Variants in ZCWPW2 observed in about 807,000 individuals in gnomAD.
ZCWPW2 encodes zinc finger CW-type PWWP domain protein 2.
Under a neutral mutation model 46.6 loss-of-function variants are expected in ZCWPW2, and 45 were observed. The ratio of observed to expected loss-of-function variants is 0.96; its 90% CI spans 0.76 to 1.24. The LOEUF is 1.24. ZCWPW2 is among the 50% of genes most tolerant of loss of function. The probability of loss-of-function intolerance (pLI) is 0.00; values close to 1 mark genes in which losing one functional copy is unlikely to be tolerated. For synonymous variants in ZCWPW2, 152 were observed against 137.1 expected (o/e 1.11, Z -0.76); for missense variants, 429 against 403.9 (o/e 1.06, Z -0.53).
intron 3 of ZCWPW2, among the ~76,000 whole-genome samples, chr3:28,429,712 G>A (rs751407573): frequency 6.6e-6 from 1 of 152,128 alleles, no homozygotes; most frequent in Non-Finnish European, 1.5e-5. Flanking sequence ...TCACGGGCCG[G>A]GCCCAGTGCC....
intron 1 of ZCWPW2, among the ~76,000 whole-genome samples, chr3:28,362,578 T>G (rs1424560740): frequency 6.6e-6 from 1 of 152,138 alleles, no homozygotes; most frequent in East Asian, 1.9e-4. Flanking sequence ...AAATGACAGA[T>G]GCTGGCGAGG....
chr3:28,439,082 TATATACAC>T (rs778849935), intron 4 of ZCWPW2, among the ~76,000 whole-genome samples: 8 of 139,642 alleles, frequency 5.7e-5, no homozygotes, highest in Non-Finnish European at 1.2e-4. Context: ...TATACACATA[TATATACAC>T]ATATATACAC....
At chr3:28,477,185 T>G (rs767339423) in intron 4 of ZCWPW2, among the ~76,000 whole-genome samples, 1 of 152,242 alleles carries the variant, frequency 6.6e-6, no homozygotes, top group African/African-American at 2.4e-5. Context: ...CTGTGAAGGC[T>G]AGCTTAGACA....
chr3:28,381,243 C>T (rs1695095149), intron 1 of ZCWPW2, among the ~76,000 whole-genome samples: 1 of 151,120 alleles, frequency 6.6e-6, no homozygotes, highest in African/African-American at 2.4e-5. Flanking sequence ...AAAAACTTCA[C>T]CAGTAGCCTA....
intron 1 of ZCWPW2, among the ~76,000 whole-genome samples, chr3:28,367,272 G>A (rs1705154822): frequency 1.3e-5 from 2 of 152,156 alleles, no homozygotes; most frequent in South Asian, 2.1e-4. Context: ...GCTTTCTCTT[G>A]TGGGCATTCA....
At position 28,515,636 on chromosome 3, in the gene ZCWPW2, G is replaced by A. The variant is rs1391506891; in HGVS notation, c.784+15G>A. On this transcript the variant is annotated intron_variant, in intron 8 of 9. Transcript: ENST00000383768. ...GGAGAACAGGGGTATGTGAAAGCCT[G>A]TCCTGCTTTTAGTTCTTTAACCTAT... 2.5e-6 allele frequency: 4 copies of A among 1,595,548 alleles called. No homozygotes were observed. The African/African-American group carries it at 6.1e-5, about 24-fold the overall frequency.
At position 28,519,951 on chromosome 3, in the gene ZCWPW2, G is replaced by T. The variant is rs187263354; in HGVS notation, c.785-1041G>T. Among the ~76,000 whole-genome samples, 31 of 151,722 alleles carry T rather than the reference G, an allele frequency of 2.0e-4. No individual in the cohort carries two copies. The East Asian group carries it at 5.4e-3, about 27-fold the overall frequency. On this transcript the variant is annotated intron_variant, in intron 8 of 9. Coordinates refer to ENST00000383768, the MANE Select transcript of ZCWPW2 (RefSeq NM_001040432.4). Reference sequence around the variant, plus strand: ...TAGTAGGCTTTTATTTCTTTGGTGGGGATATTGTTTTATCTCAGCAAGGTC... The same window carrying T: ...TAGTAGGCTTTTATTTCTTTGGTGGTGATATTGTTTTATCTCAGCAAGGTC...
intron 6 of ZCWPW2, among the ~76,000 whole-genome samples, chr3:28,502,604 C>T (rs1266964774): frequency 2.6e-5 from 4 of 151,962 alleles, no homozygotes; most frequent in Non-Finnish European, 5.9e-5. Context: ...GGAGAGAAAA[C>T]AATAGTATGT....
intron 2 of ZCWPW2, chr3:28,398,352 G>C (rs1361800568): frequency 5.9e-5 from 9 of 152,108 alleles, no homozygotes; most frequent in Admixed American, 4.6e-4. Context: ...AATCATCTTG[G>C]GGGTGGGACA....
intron 1 of ZCWPW2, among the ~76,000 whole-genome samples, chr3:28,366,147 C>G (rs1705112285): frequency 6.9e-6 from 1 of 145,556 alleles, no homozygotes; most frequent in Non-Finnish European, 1.5e-5. Context: ...CCTTCTCCTG[C>G]CTGATTACCC....
Position 28,500,949 on chromosome 3 carries a change from C to T in ZCWPW2, c.657+8776C>T, listed in dbSNP as rs542892934. ...CCATTTAATTTCCTTTTGTATTCTA[C>T]TTTGTGGGCATCATTCACCTTTCCA... is the stretch of plus-strand genomic sequence containing the variant. On this transcript the variant is annotated intron_variant, in intron 6 of 9. Coordinates refer to ENST00000383768, the MANE Select transcript of ZCWPW2 (RefSeq NM_001040432.4). 1.1e-3 allele frequency among the ~76,000 whole-genome samples: 161 copies of T among 152,264 alleles called. 1 individual carries two copies. Among genetic ancestry groups the T allele is most frequent in the South Asian group, 1.7e-3 (8 of 4,828 alleles).
intron 4 of ZCWPW2, among the ~76,000 whole-genome samples, chr3:28,468,521 T>G (rs1021005735): frequency 6.6e-6 from 1 of 151,958 alleles, no homozygotes; most frequent in African/African-American, 2.4e-5. Context: ...CATTTAATAA[T>G]CAAACTTCCA....
chr3:28,417,227 C>A lies in ZCWPW2; in HGVS notation c.332+3827C>A, dbSNP rs534968860. ...AAATACAAACTACCATCAGAGAATA[C>A]TATAAATACCTCTACACAAATAAAC... On this transcript the variant is annotated intron_variant, in intron 3 of 9. Transcript: ENST00000383768. Among the ~76,000 whole-genome samples, 50 of 152,136 alleles carry A rather than the reference C, an allele frequency of 3.3e-4. No individual in the cohort carries two copies. The South Asian group carries it at 0.01, about 31-fold the overall frequency.
intron 4 of ZCWPW2, among the ~76,000 whole-genome samples, chr3:28,458,655 G>T (rs17639954): frequency 0.22 from 32,909 of 151,878 alleles, 3,877 homozygotes; most frequent in Admixed American, 0.28. Context: ...TTACATCGGG[G>T]CATCTGCTTC....
At chr3:28,359,562 A>G (rs898639282) in intron 1 of ZCWPW2, among the ~76,000 whole-genome samples, 2 of 152,176 alleles carry the variant, frequency 1.3e-5, no homozygotes, top group African/African-American at 4.8e-5. Context: ...ATGAATTATC[A>G]GAATACTTCG....
intron 4 of ZCWPW2, among the ~76,000 whole-genome samples, chr3:28,458,517 G>T (rs1419521848): frequency 6.6e-6 from 1 of 152,098 alleles, no homozygotes; most frequent in Non-Finnish European, 1.5e-5. Flanking sequence ...TTCATTTGTT[G>T]TTAAAAATGC....
intron 8 of ZCWPW2, among the ~76,000 whole-genome samples, chr3:28,517,119 C>T (rs938175981): frequency 6.6e-6 from 1 of 152,106 alleles, no homozygotes. Context: ...GTACTTTTTC[C>T]TCCTCATCAC....
chr3:28,396,467 T>G (rs1023864875), intron 2 of ZCWPW2, among the ~76,000 whole-genome samples: 3 of 152,220 alleles, frequency 2.0e-5, no homozygotes, highest in Non-Finnish European at 4.4e-5. Context: ...AAGGTTTGAC[T>G]GAAAACACAT....
At chr3:28,373,009 A>G (rs958772544) in intron 1 of ZCWPW2, among the ~76,000 whole-genome samples, 3 of 152,044 alleles carry the variant, frequency 2.0e-5, no homozygotes, top group Admixed American at 2.0e-4. Context: ...ATCCATATCT[A>G]TATCTATCTA....
Sources: gnomAD v4.1 joint callset for allele counts (sites outside exome capture counted in the v4.1 genomes callset) on GRCh38, gnomAD v4.1.1 for gene constraint, MANE v1.5 for transcripts, NCBI Gene and HGNC (gene_info 2026-07-23, HGNC 2026-07-21) for gene names.